CDH8: variants seen among roughly 807,000 people sequenced by gnomAD.
CDH8 encodes the protein cadherin-8.
A neutral mutation model predicts 68.1 loss-of-function variants in CDH8; 17 were observed. The ratio of observed to expected loss-of-function variants is 0.25; its 90% CI spans 0.17 to 0.37. The LOEUF is 0.37. Ranked by LOEUF, CDH8 falls within the 10% of genes least tolerant of loss-of-function variation. CDH8 has a pLI of 1.00. For synonymous variants in CDH8, 372 were observed against 365.1 expected, an observed-to-expected ratio of 1.02 and a Z score of -0.21; for missense variants, 763 against 999.3, an observed-to-expected ratio of 0.76 and a Z score of 3.19.
chr16:61,969,860 A>T (rs1965311012), intron 2 of CDH8, among the ~76,000 whole-genome samples: 1 of 152,182 alleles, frequency 6.6e-6, no homozygotes, highest in Non-Finnish European at 1.5e-5. Flanking sequence ...TAGGTGTGTG[A>T]CTCAAAGCCA....
chr16:62,016,288 T>C (rs375547423), intron 2 of CDH8, among the ~76,000 whole-genome samples: 1 of 152,344 alleles, frequency 6.6e-6, no homozygotes, highest in East Asian at 1.9e-4. Context: ...TAGGAGCTCA[T>C]TAGTTCCATG....
intron 10 of CDH8, among the ~76,000 whole-genome samples, chr16:61,659,132 T>G (rs1963506638): frequency 6.6e-6 from 1 of 152,216 alleles, no homozygotes; most frequent in Admixed American, 6.5e-5. Flanking sequence ...GAATTCCATT[T>G]CAGCATGATA....
intron 3 of CDH8, 39 bp downstream of exon 3, chr16:61,901,140 T>C (rs1489082297): frequency 6.4e-7 from 1 of 1,551,906 alleles, no homozygotes; most frequent in Non-Finnish European, 8.8e-7. Flanking sequence ...ATTCTAAAGA[T>C]GACTTTTAAT....
At chr16:61,961,463 T>C (rs192281375) in intron 2 of CDH8, among the ~76,000 whole-genome samples, 1 of 152,326 alleles carries the variant, frequency 6.6e-6, no homozygotes, top group Admixed American at 6.5e-5. Context: ...CCTCTCTCTT[T>C]TCTGTCTCCC....
intron 2 of CDH8, among the ~76,000 whole-genome samples, chr16:61,913,824 A>T (rs1191999323): frequency 6.6e-6 from 1 of 152,202 alleles, no homozygotes; most frequent in Non-Finnish European, 1.5e-5. Flanking sequence ...TTAATATTTT[A>T]TGAAAATAGA....
intron 2 of CDH8, among the ~76,000 whole-genome samples, chr16:61,926,478 A>C (rs186434706): frequency 5.3e-4 from 80 of 152,084 alleles, no homozygotes; most frequent in African/African-American, 1.9e-3. Flanking sequence ...CTTGTTAGCT[A>C]TTTTTCTAAA....
At chr16:61,921,742 G>A (rs1964371332) in intron 2 of CDH8, among the ~76,000 whole-genome samples, 3 of 152,302 alleles carry the variant, frequency 2.0e-5, no homozygotes, top group Admixed American at 2.0e-4. Flanking sequence ...TGGATTTTGA[G>A]GTCATGGGGG....
intron 10 of CDH8, among the ~76,000 whole-genome samples, chr16:61,705,201 A>G (rs1433970900): frequency 6.6e-6 from 1 of 152,204 alleles, no homozygotes; most frequent in Non-Finnish European, 1.5e-5. Flanking sequence ...AACAGATGGA[A>G]TATGAACCCA....
intron 2 of CDH8, among the ~76,000 whole-genome samples, chr16:62,002,967 G>T (rs542604856): frequency 6.6e-6 from 1 of 152,252 alleles, no homozygotes; most frequent in South Asian, 2.1e-4. Flanking sequence ...GCGGGAGAAT[G>T]GCGTGAACCG....
At chr16:61,735,983 G>A (rs1323861535) in intron 8 of CDH8, among the ~76,000 whole-genome samples, 1 of 152,008 alleles carries the variant, frequency 6.6e-6, no homozygotes, top group Non-Finnish European at 1.5e-5. Context: ...TGAGGCAAGA[G>A]AATAGCTTGA....
intron 2 of CDH8, among the ~76,000 whole-genome samples, chr16:61,977,640 G>C (rs1232277144): frequency 6.6e-6 from 1 of 152,068 alleles, no homozygotes; most frequent in African/African-American, 2.4e-5. Flanking sequence ...TGAGAGATTT[G>C]GGGAGGTAAA....
intron 2 of CDH8, among the ~76,000 whole-genome samples, chr16:62,000,702 G>T (rs1347420607): frequency 6.6e-6 from 1 of 152,084 alleles, no homozygotes; most frequent in Non-Finnish European, 1.5e-5. Flanking sequence ...AAAGCCTTTG[G>T]CCAAAATGTT....
intron 2 of CDH8, among the ~76,000 whole-genome samples, chr16:61,936,976 C>G (rs2143514484): frequency 6.6e-6 from 1 of 152,138 alleles, no homozygotes; most frequent in Admixed American, 6.6e-5. Flanking sequence ...ATAGCAATGG[C>G]TAGGCATTGC....
rs375724061 is a variant in CDH8, at chr16:61,762,772, T to C, written c.1414+26574A>G. On this transcript the variant is annotated intron_variant, in intron 8 of 11. Transcript: ENST00000577390. Reference sequence around the variant, plus strand: ...AATAGTATTAAATGTGTATTATATATGAATAGAGCATTGTTACTTATAGCC... The same window carrying C: ...AATAGTATTAAATGTGTATTATATACGAATAGAGCATTGTTACTTATAGCC... Among the ~76,000 whole-genome samples the C allele has an allele frequency of 3.1e-3, 468 of 152,276 alleles. 1 individual carries two copies. Among genetic ancestry groups the C allele is most frequent in the Non-Finnish European group, 4.7e-3 (321 of 68,026 alleles).
intron 2 of CDH8, among the ~76,000 whole-genome samples, chr16:61,983,327 A>T (rs1965570363): frequency 6.6e-6 from 1 of 152,208 alleles, no homozygotes; most frequent in Non-Finnish European, 1.5e-5. Context: ...TACCAAATCT[A>T]TCCAATGGAA....
At chr16:61,995,138 A>C (rs2150592317) in intron 2 of CDH8, among the ~76,000 whole-genome samples, 1 of 152,326 alleles carries the variant, frequency 6.6e-6, no homozygotes, top group Non-Finnish European at 1.5e-5. Context: ...CCTAGTATAC[A>C]TACAATGAAA....
At chr16:61,764,482 T>C (rs1199177814) in intron 8 of CDH8, among the ~76,000 whole-genome samples, 1 of 152,136 alleles carries the variant, frequency 6.6e-6, no homozygotes, top group East Asian at 1.9e-4. Context: ...ACTATTCATA[T>C]TCAATTCCTG....
Position 61,653,960 on chromosome 16 carries a change from G to A in CDH8, c.2048C>T (p.Ala683Val). 1 of 1,614,148 alleles carries A rather than the reference G, an allele frequency of 6.2e-7. No individual in the cohort carries two copies. The change falls in exon 12 of 12, where the codon GCA becomes GTA. Residue 683 changes from alanine (A) to valine (V), a missense_variant. By Grantham distance (64) the Ala-to-Val change is moderately conservative (BLOSUM62 0). Transcript: ENST00000577390. ...GEEDTEAFDI[A>V]TLQNPDGING... Reference sequence around the variant, plus strand: ...AATTCCATCTGGATTTTGTAAAGTTGCAATGTCAAAAGCCTCTGTGTCCTC... The same window carrying A: ...AATTCCATCTGGATTTTGTAAAGTTACAATGTCAAAAGCCTCTGTGTCCTC...
chr16:61,875,458 T>A (rs1027548348), intron 3 of CDH8, among the ~76,000 whole-genome samples: 2 of 152,134 alleles, frequency 1.3e-5, no homozygotes, highest in Admixed American at 6.5e-5. Flanking sequence ...ACACTCAAGT[T>A]GAAGAACCAG....
Sources: allele counts gnomAD v4.1 joint callset (sites outside exome capture counted in the v4.1 genomes callset), GRCh38; gene constraint gnomAD v4.1.1; transcripts MANE v1.5; gene names NCBI Gene and HGNC (gene_info 2026-07-23, HGNC 2026-07-21).